The following SYNDIG1 variants were observed in gnomAD, a reference collection of about 807,000 sequenced individuals.
SYNDIG1 encodes the protein synapse differentiation inducing 1.
Under a neutral mutation model 19.4 loss-of-function variants are expected in SYNDIG1, and 9 were observed. The ratio of observed to expected loss-of-function variants is 0.46; its 90% confidence interval spans 0.28 to 0.81. The LOEUF (loss-of-function observed/expected upper bound fraction) is 0.81. SYNDIG1 is among the 30% of genes least tolerant of loss of function. The probability of loss-of-function intolerance (pLI) is 0.12; values close to 1 mark genes in which losing one functional copy is unlikely to be tolerated. For missense variants in SYNDIG1, 311 were observed against 343.3 expected (o/e 0.91, Z 0.74); for synonymous variants, 141 against 145.9 (o/e 0.97, Z 0.24).
At chr20:24,486,546 C>A (rs1329853309) in intron 1 of SYNDIG1, among the ~76,000 whole-genome samples, 1 of 152,210 alleles carries the variant, frequency 6.6e-6, no homozygotes, top group Non-Finnish European at 1.5e-5. Context: ...CTAATGCACT[C>A]ACATAACACC....
At chr20:24,578,400 G>T (rs560405984) in intron 2 of SYNDIG1, among the ~76,000 whole-genome samples, 2 of 149,046 alleles carry the variant, frequency 1.3e-5, no homozygotes, top group Admixed American at 6.7e-5. Flanking sequence ...CCCCAATCGC[G>T]CCACTGCACT....
intron 2 of SYNDIG1, among the ~76,000 whole-genome samples, chr20:24,574,079 C>T (rs1019621334): frequency 1.3e-5 from 2 of 152,158 alleles, no homozygotes; most frequent in Non-Finnish European, 2.9e-5. Context: ...AGCCTCCAGG[C>T]TCCCACTTCT....
chr20:24,559,326 A>C (rs2057889983), intron 2 of SYNDIG1, among the ~76,000 whole-genome samples: 1 of 152,162 alleles, frequency 6.6e-6, no homozygotes, highest in Non-Finnish European at 1.5e-5. Flanking sequence ...GATGATGATA[A>C]ATTGGTTAAT....
At chr20:24,571,513 T>C (rs2058143936) in intron 2 of SYNDIG1, among the ~76,000 whole-genome samples, 1 of 152,184 alleles carries the variant, frequency 6.6e-6, no homozygotes, top group African/African-American at 2.4e-5. Flanking sequence ...TCAAAGTGTA[T>C]ATATATAACT....
chr20:24,563,176 A>G (rs778184061), intron 2 of SYNDIG1, among the ~76,000 whole-genome samples: 5 of 152,194 alleles, frequency 3.3e-5, no homozygotes, highest in Non-Finnish European at 7.3e-5. Flanking sequence ...GCTTATTAAA[A>G]CATCTCTCTT....
At chr20:24,553,527 A>T (rs2146813442) in intron 2 of SYNDIG1, among the ~76,000 whole-genome samples, 1 of 152,322 alleles carries the variant, frequency 6.6e-6, no homozygotes, top group Middle Eastern at 3.4e-3. Flanking sequence ...CTTTCTACAT[A>T]TGGCTAGCCA....
At chr20:24,627,144 G>GGAGAGGGAGAGCGAGAGC (rs752516375) in intron 3 of SYNDIG1, among the ~76,000 whole-genome samples, 4 of 103,348 alleles carry the variant, frequency 3.9e-5, no homozygotes, top group Non-Finnish European at 7.3e-5. Flanking sequence ...AGAGGGAGAG[G>GGAGAGGGAGAGCGAGAGC]GAGAGGGAGA....
intron 3 of SYNDIG1, among the ~76,000 whole-genome samples, chr20:24,606,070 C>T (rs77837234): frequency 1.3e-5 from 2 of 152,248 alleles, no homozygotes; most frequent in East Asian, 1.9e-4. Flanking sequence ...TGGTGTCCCT[C>T]GGCTTCTGGT....
intron 3 of SYNDIG1, among the ~76,000 whole-genome samples, chr20:24,596,274 T>G (rs1675886270): frequency 6.6e-6 from 1 of 152,222 alleles, no homozygotes; most frequent in South Asian, 2.1e-4. Context: ...TTTTAAGTGA[T>G]TTTCCTTGCA....
chr20:24,605,799 C>T (rs1368067584), intron 3 of SYNDIG1, among the ~76,000 whole-genome samples: 1 of 152,146 alleles, frequency 6.6e-6, no homozygotes, highest in Non-Finnish European at 1.5e-5. Context: ...TGTCCAAGGG[C>T]AGAGTCTGCA....
At chr20:24,651,681 G>A (rs1040438185) in intron 3 of SYNDIG1, among the ~76,000 whole-genome samples, 10 of 152,208 alleles carry the variant, frequency 6.6e-5, no homozygotes, top group Non-Finnish European at 1.0e-4. Context: ...AGGTGACCAC[G>A]CATTTCTTGA....
chr20:24,615,397 C>T (rs750222877), intron 3 of SYNDIG1, among the ~76,000 whole-genome samples: 2 of 152,174 alleles, frequency 1.3e-5, no homozygotes, highest in Admixed American at 6.5e-5. Flanking sequence ...CCAGGTTCTA[C>T]GCTCTTACAG....
chr20:24,640,905 G>C (rs535849696), intron 3 of SYNDIG1, among the ~76,000 whole-genome samples: 10 of 152,342 alleles, frequency 6.6e-5, no homozygotes, highest in African/African-American at 2.4e-4. Flanking sequence ...GTGCCTGCCA[G>C]CCTGCATGCA....
chr20:24,496,816 G>A (rs1179099963), intron 1 of SYNDIG1, among the ~76,000 whole-genome samples: 1 of 152,008 alleles, frequency 6.6e-6, no homozygotes, highest in Non-Finnish European at 1.5e-5. Context: ...AAGATCTGTT[G>A]GCTTTCACTT....
At chr20:24,516,143 C>A (rs528533072) in intron 1 of SYNDIG1, among the ~76,000 whole-genome samples, 7 of 152,240 alleles carry the variant, frequency 4.6e-5, no homozygotes, top group Admixed American at 3.3e-4. Flanking sequence ...CATATGTAGA[C>A]AGCTGAAACT....
At chr20:24,649,936 T>C (rs2059453978) in intron 3 of SYNDIG1, among the ~76,000 whole-genome samples, 5 of 152,218 alleles carry the variant, frequency 3.3e-5, no homozygotes, top group Admixed American at 2.6e-4. Flanking sequence ...CTAATTCAAA[T>C]GCAGGAAGCC....
At chr20:24,540,071 C>T (rs1337870204) in intron 1 of SYNDIG1, among the ~76,000 whole-genome samples, 2 of 152,220 alleles carry the variant, frequency 1.3e-5, no homozygotes, top group Non-Finnish European at 2.9e-5. Flanking sequence ...CATGACCCAC[C>T]ATGCCCTGCC....
chr20:24,490,897 G>A (rs947121924), intron 1 of SYNDIG1, among the ~76,000 whole-genome samples: 1 of 152,196 alleles, frequency 6.6e-6, no homozygotes, highest in Non-Finnish European at 1.5e-5. Flanking sequence ...AGTGGAGGTG[G>A]AGCCAGGGAG....
At chr20:24,591,743 C>A (rs73905125) in intron 3 of SYNDIG1, among the ~76,000 whole-genome samples, 1,829 of 152,236 alleles carry the variant, frequency 0.012, 36 homozygotes, top group African/African-American at 0.042. Flanking sequence ...TATTAGGCTG[C>A]GAGAGTCATG....
Sources: gnomAD v4.1 joint callset for allele counts (sites outside exome capture counted in the v4.1 genomes callset) on GRCh38, gnomAD v4.1.1 for gene constraint, MANE v1.5 for transcripts, NCBI Gene and HGNC (gene_info 2026-07-23, HGNC 2026-07-21) for gene names.